Variants in RAB27B observed in about 807,000 individuals in gnomAD.
The protein encoded by RAB27B is RAB27B, member RAS oncogene family.
In RAB27B, 15 loss-of-function variants were observed where a neutral mutation model predicts 24.6. That is an observed-to-expected ratio of 0.61 (90% CI 0.41 to 0.94). The LOEUF is 0.94. Among genes scored for constraint, RAB27B ranks in the 40% least tolerant of loss-of-function variants. RAB27B has a pLI of 0.00. For missense variants in RAB27B, 261 were observed against 266.8 expected (o/e 0.98, Z 0.15); for synonymous variants, 105 against 92.5 (o/e 1.14, Z -0.78).
At chr18:54,829,614 TTCTCA>T (rs1448994069) in intron 1 of RAB27B, among the ~76,000 whole-genome samples, 6 of 152,216 alleles carry the variant, frequency 3.9e-5, no homozygotes, top group African/African-American at 1.4e-4. Context: ...ATGTCTACAG[TTCTCA>T]ATATTTAGTT....
intron 1 of RAB27B, among the ~76,000 whole-genome samples, chr18:54,830,080 T>C (rs1910616934): frequency 6.6e-6 from 1 of 152,208 alleles, no homozygotes; most frequent in Non-Finnish European, 1.5e-5. Flanking sequence ...CAAGAAGGGA[T>C]AAAGGGAATC....
At position 54,763,307 on chromosome 18, in the gene RAB27B, G is replaced by GTTTA. The variant is rs375150305; in HGVS notation, c.-20+45190_-20+45193dup. Among the ~76,000 whole-genome samples the GTTTA allele has an allele frequency of 8.7e-3, 1,328 of 151,780 alleles. 5 individuals are homozygous for GTTTA. The highest frequency in any genetic ancestry group is 0.011 in the African/African-American group (462 of 41,304). On this transcript the variant is annotated intron_variant, in intron 2 of 4. Transcript: ENST00000586570. Reference sequence around the variant, plus strand: ...ATTTTATATATATGTCTATGTGTTTGTTTATTTATTTATTTATTTATTTAT... The same window carrying GTTTA: ...ATTTTATATATATGTCTATGTGTTTGTTTATTTATTTATTTATTTATTTATTTAT...
upstream of RAB27B, among the ~76,000 whole-genome samples, chr18:54,825,927 G>A (rs959656170): frequency 1.3e-5 from 2 of 152,180 alleles, no homozygotes; most frequent in African/African-American, 4.8e-5. Flanking sequence ...GGAAGAATTG[G>A]CTTGCTTTTT....
At chr18:54,871,280 A>C (rs1863888724) in intron 1 of RAB27B, among the ~76,000 whole-genome samples, 1 of 152,202 alleles carries the variant, frequency 6.6e-6, no homozygotes, top group Admixed American at 6.5e-5. Context: ...TCCTTAGAGT[A>C]CTTTAGCCAC....
In RAB27B at chr18:54,891,496, C is replaced by T. The variant is rs1236327162; in HGVS notation, c.*2083C>T. ...ATGTTTCTTCTGGAAGGAAAGTGAG[C>T]AGGAACAAGTTATATTGCCACTGCT... On this transcript the variant is annotated 3_prime_UTR_variant, in exon 6 of 6. Coordinates refer to ENST00000262094, the MANE Select transcript of RAB27B (RefSeq NM_004163.4). 6.6e-6 allele frequency: 1 copy of T among 152,052 alleles called. No homozygotes were observed. Among genetic ancestry groups the T allele is most frequent in the Non-Finnish European group, 1.5e-5 (1 of 67,984 alleles). 9.4% of individuals were successfully genotyped at this position (152,052 alleles called of 1,614,324 possible).
intron 2 of RAB27B, among the ~76,000 whole-genome samples, chr18:54,763,786 A>G (rs1908273098): frequency 1.3e-5 from 2 of 152,126 alleles, no homozygotes; most frequent in Admixed American, 6.6e-5. Context: ...TTTAAGTACT[A>G]AAGTCCCACA....
chr18:54,738,303 C>T (rs377710007), intron 2 of RAB27B, among the ~76,000 whole-genome samples: 2 of 152,300 alleles, frequency 1.3e-5, no homozygotes, highest in African/African-American at 4.8e-5. Flanking sequence ...TCCGTGTCCC[C>T]ACCCAAATCT....
Position 54,799,850 on chromosome 18 carries a change from G to A in RAB27B, c.-19-77717G>A, listed in dbSNP as rs185791008. On this transcript the variant is annotated intron_variant, in intron 2 of 4. Transcript: ENST00000586570. ...TCACCCGTGTTAGCCAGGATAGTCT[G>A]TTAGCCAGGATGGTCTTGATCTCCT... is the stretch of plus-strand genomic sequence containing the variant. Among the ~76,000 whole-genome samples, 177 of 152,136 alleles carry A rather than the reference G, an allele frequency of 1.2e-3. 1 individual carries two copies. Among genetic ancestry groups the A allele is most frequent in the Middle Eastern group, 0.01 (3 of 294 alleles).
chr18:54,767,994 T>C (rs548916833), intron 2 of RAB27B, among the ~76,000 whole-genome samples: 1 of 152,088 alleles, frequency 6.6e-6, no homozygotes, highest in East Asian at 1.9e-4. Context: ...CTTCCAAGAA[T>C]CTCCGGCTAA....
intron 4 of RAB27B, 71 bp from the exon 5 acceptor site, chr18:54,887,924 G>A: frequency 6.5e-7 from 1 of 1,532,656 alleles, no homozygotes; most frequent in Non-Finnish European, 8.9e-7. Flanking sequence ...TCAGGAATCT[G>A]GAATAAGAGC....
At chr18:54,849,465 C>T (rs890298166) in intron 1 of RAB27B, among the ~76,000 whole-genome samples, 4 of 152,186 alleles carry the variant, frequency 2.6e-5, no homozygotes, top group African/African-American at 9.7e-5. Flanking sequence ...TGCCTGTAAT[C>T]CCAGCGCTTT....
intron 1 of RAB27B, among the ~76,000 whole-genome samples, chr18:54,845,563 C>T (rs934503011): frequency 4.0e-5 from 6 of 151,796 alleles, no homozygotes; most frequent in African/African-American, 1.2e-4. Flanking sequence ...TTTAGCCTCA[C>T]CTTGTTTTTC....
intron 2 of RAB27B, among the ~76,000 whole-genome samples, chr18:54,773,468 C>T (rs746227670): frequency 8.5e-5 from 13 of 152,110 alleles, no homozygotes; most frequent in Non-Finnish European, 1.5e-4. Flanking sequence ...GGTCATGAAC[C>T]TTAGTTTCAT....
rs570968014 is a variant in RAB27B, at chr18:54,845,450, G to A, written c.-20+16750G>A. The stretch of plus-strand genomic sequence containing the variant: ...TAAAATCTATTTAGGAAGAAAATAC[G>A]TCCCTTCGGATACCTCTAGCTAAGC... On this transcript the variant is annotated intron_variant, in intron 1 of 5. Coordinates refer to ENST00000262094, the MANE Select transcript of RAB27B (RefSeq NM_004163.4). 6.8e-5 allele frequency among the ~76,000 whole-genome samples: 10 copies of A among 146,654 alleles called. No homozygotes were observed. The South Asian group carries it at 1.1e-3, about 16-fold the overall frequency.
At chr18:54,842,855 C>T (rs750643432) in intron 1 of RAB27B, among the ~76,000 whole-genome samples, 5 of 152,040 alleles carry the variant, frequency 3.3e-5, no homozygotes, top group East Asian at 1.9e-4. Context: ...AGTGCAGTGG[C>T]GGGATCTCGG....
intron 1 of RAB27B, among the ~76,000 whole-genome samples, chr18:54,866,331 T>C (rs1400250491): frequency 6.7e-6 from 1 of 149,410 alleles, no homozygotes; most frequent in African/African-American, 2.4e-5. Flanking sequence ...GGTCTCGCTC[T>C]GTAGCCCAGG....
In RAB27B at chr18:54,891,300, G is replaced by C. The variant is rs1913360519; in HGVS notation, c.*1887G>C. On this transcript the variant is annotated 3_prime_UTR_variant, in exon 6 of 6. Transcript: ENST00000262094. ...GAAAGCTTTCATGCTGTTAGCCCCT[G>C]ATGAAATTCTCAGCATTAACTGGCC... 1 of 151,072 alleles carries C rather than the reference G, an allele frequency of 6.6e-6. No individual in the cohort carries two copies. Among genetic ancestry groups the C allele is most frequent in the African/African-American group, 2.5e-5 (1 of 40,450 alleles). The allele number at this position is 151,072 out of a possible 1,614,324, so 9.4% of individuals were successfully genotyped here.
At chr18:54,736,295 T>G (rs2145001117) in intron 2 of RAB27B, among the ~76,000 whole-genome samples, 1 of 152,324 alleles carries the variant, frequency 6.6e-6, no homozygotes, top group South Asian at 2.1e-4. Flanking sequence ...TAGAACCTAG[T>G]TTTATAATAG....
chr18:54,873,728 T>A (rs866921866), intron 1 of RAB27B, among the ~76,000 whole-genome samples: 1 of 144,360 alleles, frequency 6.9e-6, no homozygotes, highest in East Asian at 2.0e-4. Context: ...TGTGTGTGTG[T>A]GAGTGTGTTG....
Sources: gnomAD v4.1 joint callset for allele counts (sites outside exome capture counted in the v4.1 genomes callset) on GRCh38, gnomAD v4.1.1 for gene constraint, MANE v1.5 for transcripts, NCBI Gene and HGNC (gene_info 2026-07-23, HGNC 2026-07-21) for gene names.